DCDC2: variants seen among roughly 807,000 people sequenced by gnomAD.
The protein encoded by DCDC2 is doublecortin domain containing 2, also known as doublecortin domain-containing protein 2.
In DCDC2, 40 loss-of-function variants were observed where a neutral mutation model predicts 50.2. That is an observed-to-expected ratio of 0.80 (90% CI 0.62 to 1.04). The LOEUF is 1.04. DCDC2 is among the 50% of genes least tolerant of loss of function. The pLI is 0.00. For synonymous variants in DCDC2, 234 were observed against 210.6 expected (o/e 1.11, Z -0.96); for missense variants, 570 against 581.9 (o/e 0.98, Z 0.21).
At chr6:24,353,838 G>A (rs1581667534) in intron 1 of DCDC2, among the ~76,000 whole-genome samples, 1 of 152,178 alleles carries the variant, frequency 6.6e-6, no homozygotes, top group African/African-American at 2.4e-5. Context: ...AACTTCAAGA[G>A]AAGGAAAGTC....
At chr6:24,274,589 C>A (rs865965601) in intron 7 of DCDC2, among the ~76,000 whole-genome samples, 2 of 99,638 alleles carry the variant, frequency 2.0e-5, no homozygotes, top group African/African-American at 4.0e-5. Context: ...TTTACTATTA[C>A]AGGGAGAAAC....
At chr6:24,197,847 G>T (rs982447675) in intron 8 of DCDC2, among the ~76,000 whole-genome samples, 4 of 152,142 alleles carry the variant, frequency 2.6e-5, no homozygotes, top group African/African-American at 9.7e-5. Flanking sequence ...CCCCTTTCCT[G>T]AGTCTGGGAT....
At chr6:24,374,005 A>T in the DCDC2 span, among the ~76,000 whole-genome samples, 1 of 152,042 alleles carries the variant, frequency 6.6e-6, no homozygotes, top group Admixed American at 6.6e-5. Context: ...TACTAAAAAT[A>T]CAAAAAATTA....
intron 1 of DCDC2, among the ~76,000 whole-genome samples, chr6:24,356,558 T>TA (rs529626703): frequency 6.0e-4 from 89 of 149,008 alleles, no homozygotes; most frequent in African/African-American, 1.2e-3. Context: ...AATAAAGCTG[T>TA]AAAAAAAAAA....
chr6:24,202,612 A>G (rs1761612711), intron 8 of DCDC2, among the ~76,000 whole-genome samples: 1 of 152,194 alleles, frequency 6.6e-6, no homozygotes, highest in Admixed American at 6.5e-5. Context: ...TATTTAACAT[A>G]GTATTAGAAG....
chr6:24,233,718 T>C (rs989639477), intron 7 of DCDC2, among the ~76,000 whole-genome samples: 1 of 152,206 alleles, frequency 6.6e-6, no homozygotes, highest in Non-Finnish European at 1.5e-5. Context: ...AAGCTCTTAA[T>C]GATGAAATAA....
chr6:24,349,578 G>A (rs1760326927), intron 2 of DCDC2, among the ~76,000 whole-genome samples: 2 of 152,116 alleles, frequency 1.3e-5, no homozygotes, highest in Admixed American at 6.6e-5. Flanking sequence ...GGAAAGAAAG[G>A]AGCTGGTAAA....
Position 24,288,981 on chromosome 6 carries a change from C to G in DCDC2, c.705-75G>C, listed in dbSNP as rs550082049. On this transcript the variant is annotated intron_variant, in intron 5 of 9. Transcript: ENST00000378454. ...TGTACAATGCAAGATAATTATCATC[C>G]CCACCTGGAAGTCAACTGTTTACTG... The G allele has an allele frequency of 8.8e-5, 102 of 1,157,510 alleles. No individual in the cohort carries two copies. The African/African-American group carries it at 1.1e-3, about 13-fold the overall frequency. The allele number at this position is 1,157,510 out of a possible 1,614,324, so 71.7% of individuals were successfully genotyped here. A position where few individuals can be genotyped will look rare whatever the true frequency, so the allele number is the denominator to read the frequency against.
intron 5 of DCDC2, 87 bp from the exon 6 acceptor site, chr6:24,288,993 T>A (rs538186295): frequency 4.1e-4 from 402 of 990,844 alleles, no homozygotes; most frequent in Non-Finnish European, 4.4e-4. Context: ...CACCTGGAAG[T>A]CAACTGTTTA....
chr6:24,227,500 C>G (rs1053918140), intron 7 of DCDC2, among the ~76,000 whole-genome samples: 2 of 152,162 alleles, frequency 1.3e-5, no homozygotes, highest in East Asian at 3.8e-4. Context: ...AAGCCAGACC[C>G]GTCAAAAGAG....
intron 7 of DCDC2, among the ~76,000 whole-genome samples, chr6:24,267,597 CT>C (rs368718222): frequency 3.9e-5 from 6 of 152,140 alleles, no homozygotes; most frequent in Non-Finnish European, 2.9e-5. Flanking sequence ...AGGATATGTC[CT>C]GCCAAAATGG....
intron 8 of DCDC2, among the ~76,000 whole-genome samples, chr6:24,182,355 A>C (rs1761093083): frequency 6.6e-6 from 1 of 152,132 alleles, no homozygotes; most frequent in African/African-American, 2.4e-5. Context: ...AGACAATACC[A>C]ACAGAGTAAA....
chr6:24,228,247 G>C (rs1046745710), intron 7 of DCDC2, among the ~76,000 whole-genome samples: 5 of 152,172 alleles, frequency 3.3e-5, no homozygotes, highest in Non-Finnish European at 4.4e-5. Flanking sequence ...AGAGCAAAAG[G>C]TTACAGCAAA....
At chr6:24,243,755 C>T (rs928994240) in intron 7 of DCDC2, among the ~76,000 whole-genome samples, 1 of 152,144 alleles carries the variant, frequency 6.6e-6, no homozygotes, top group Non-Finnish European at 1.5e-5. Flanking sequence ...GATCCCCATA[C>T]TCTGAGCTAA....
At chr6:24,310,074 T>C (rs760800077) in intron 2 of DCDC2, among the ~76,000 whole-genome samples, 3 of 152,222 alleles carry the variant, frequency 2.0e-5, no homozygotes, top group Non-Finnish European at 4.4e-5. Flanking sequence ...ATGTTTTTGG[T>C]CAATGCAAAA....
rs768017577 is a variant in DCDC2 at position 24,178,653 on chromosome 6, AT to A, written c.1024-22del. Reference sequence around the variant, plus strand: ...GGCCTCTGATGGATCAAAAGGAATAATGGATAAAAGTAAGAAGCATAACAGA... The same window carrying A: ...GGCCTCTGATGGATCAAAAGGAATAAGGATAAAAGTAAGAAGCATAACAGA... On this transcript the variant is annotated intron_variant, in intron 8 of 9. Transcript: ENST00000378454. 3 of 1,600,698 alleles carry A rather than the reference AT, an allele frequency of 1.9e-6. No homozygotes were observed. In the African/African-American group the frequency reaches 4.0e-5, roughly 21 times the overall value.
At chr6:24,333,891 A>G (rs1162086342) in intron 2 of DCDC2, among the ~76,000 whole-genome samples, 1 of 152,188 alleles carries the variant, frequency 6.6e-6, no homozygotes, top group African/African-American at 2.4e-5. Context: ...AATTTCAGAA[A>G]CAGGAGTTAT....
chr6:24,266,202 A>G (rs951185653), intron 7 of DCDC2, among the ~76,000 whole-genome samples: 2 of 152,194 alleles, frequency 1.3e-5, no homozygotes, highest in African/African-American at 2.4e-5. Context: ...ATCAAAATGG[A>G]TTAAAGATTT....
intron 1 of DCDC2, among the ~76,000 whole-genome samples, chr6:24,355,721 AG>A (rs1272974979): frequency 6.6e-6 from 1 of 152,200 alleles, no homozygotes; most frequent in African/African-American, 2.4e-5. Flanking sequence ...AAGAAGCTTC[AG>A]GGGAGGGAAA....
Sources: gnomAD v4.1 joint callset for allele counts (sites outside exome capture counted in the v4.1 genomes callset) on GRCh38, gnomAD v4.1.1 for gene constraint, MANE v1.5 for transcripts, NCBI Gene and HGNC (gene_info 2026-07-23, HGNC 2026-07-21) for gene names.